The following GNAI1 variants were observed in gnomAD, a reference collection of about 807,000 sequenced individuals.
The protein encoded by GNAI1 is G protein subunit alpha i1.
In GNAI1, 11 loss-of-function variants were observed where a neutral mutation model predicts 38.9. The ratio of observed to expected loss-of-function variants is 0.28; its 90% confidence interval spans 0.18 to 0.47. GNAI1 has a LOEUF of 0.47. GNAI1 is among the 20% of genes least tolerant of loss of function. The pLI is 0.99. For synonymous variants in GNAI1, 166 were observed against 145.1 expected, an observed-to-expected ratio of 1.14 and a Z score of -1.04; for missense variants, 317 against 436.9, an observed-to-expected ratio of 0.73 and a Z score of 2.45.
At position 80,217,316 on chromosome 7, in the gene GNAI1, T is replaced by C. The variant is rs756926544; in HGVS notation, c.888T>C (p.Tyr296=). 3.8e-6 allele frequency: 6 copies of C among 1,579,360 alleles called. No homozygotes were observed. In the Admixed American group the frequency reaches 9.4e-5, roughly 25 times the overall value. ...CYPEYAGSNT[Y]EEAAAYIQCQ... is the part of the protein sequence containing the mutation. The stretch of plus-strand genomic sequence containing the variant: ...TTTCCATCTCAGGATCAAACACATA[T>C]GAAGAGGCAGCTGCATATATTCAAT... The change falls in exon 8 of 8, where the codon TAT becomes TAC. Residue 296 remains tyrosine (Y), a synonymous_variant. Transcript: ENST00000649796.
At chr7:80,156,628 CTTGCTCTG>C (rs1216583941) in intron 1 of GNAI1, among the ~76,000 whole-genome samples, 1 of 152,022 alleles carries the variant, frequency 6.6e-6, no homozygotes, top group African/African-American at 2.4e-5. Flanking sequence ...GAGGTGGTAT[CTTGCTCTG>C]TTTCCCAGGC....
intron 3 of GNAI1, among the ~76,000 whole-genome samples, chr7:80,194,436 T>C (rs1788533743): frequency 6.6e-6 from 1 of 152,158 alleles, no homozygotes. Context: ...ATTAATGTTA[T>C]GGTAATATTG....
rs893524232 is a variant in GNAI1 at position 80,220,936 on chromosome 7, T to C, written c.*3443T>C. 4.6e-5 allele frequency among the ~76,000 whole-genome samples: 7 copies of C among 152,306 alleles called. No homozygotes were observed. Among genetic ancestry groups the C allele is most frequent in the South Asian group, 2.1e-4 (1 of 4,826 alleles). ...TCAGATTTAAAAAAGGAGATACTTA[T>C]TAATGTCTTTCATCAGAGCTATTTT... On this transcript the variant is annotated 3_prime_UTR_variant, in exon 8 of 8. Coordinates refer to ENST00000649796, the MANE Select transcript of GNAI1 (RefSeq NM_002069.6).
chr7:80,150,969 A>G (rs147055886), intron 1 of GNAI1, among the ~76,000 whole-genome samples: 2 of 152,214 alleles, frequency 1.3e-5, no homozygotes, highest in East Asian at 3.9e-4. Context: ...GACAGCTTTG[A>G]TGGTATCAGT....
In GNAI1 at chr7:80,189,123, G is replaced by T. The variant is rs751050803; in HGVS notation, c.195G>T (p.Glu65Asp). Residue 65 changes from glutamate (E) to aspartate (D), a missense_variant, in exon 3 of 8, where the codon GAG (glutamate) becomes GAT (aspartate). Physicochemically the swap from Glu to Asp is conservative, Grantham distance 45. Around this residue, in one of 5 missense-constraint regions of GNAI1, gnomAD observed 40 missense variants for 78.0 expected, o/e 0.51. Transcript: ENST00000649796. Reference sequence around the variant, plus strand: ...ATGAAGCTGGTTATTCAGAAGAGGAGTGTAAACAATACAAAGCAGTGGTCT... The same window carrying T: ...ATGAAGCTGGTTATTCAGAAGAGGATTGTAAACAATACAAAGCAGTGGTCT... ...IIHEAGYSEE[E>D]CKQYKAVVYS... 1 of 1,607,188 alleles carries T rather than the reference G, an allele frequency of 6.2e-7. No homozygotes were observed. Among genetic ancestry groups the T allele is most frequent in the Non-Finnish European group, 8.5e-7 (1 of 1,176,960 alleles).
intron 1 of GNAI1, among the ~76,000 whole-genome samples, chr7:80,143,927 C>T (rs4728019): frequency 0.45 from 68,291 of 151,412 alleles, 16,261 homozygotes; most frequent in Middle Eastern, 0.52. Flanking sequence ...TGTGTGCGCG[C>T]GTGTGTGTAT....
intron 1 of GNAI1, among the ~76,000 whole-genome samples, chr7:80,150,822 C>G (rs1437850494): frequency 6.6e-6 from 1 of 152,102 alleles, no homozygotes; most frequent in Admixed American, 6.6e-5. Context: ...CTTATTTACT[C>G]CTTATTGCAT....
chr7:80,159,178 C>T (rs1031610549), intron 1 of GNAI1, among the ~76,000 whole-genome samples: 6 of 152,138 alleles, frequency 3.9e-5, no homozygotes, highest in Admixed American at 6.6e-5. Context: ...CTCTCACAGT[C>T]CCACAGAGAC....
intron 1 of GNAI1, among the ~76,000 whole-genome samples, chr7:80,181,047 A>G (rs1489140455): frequency 6.6e-6 from 1 of 152,040 alleles, no homozygotes; most frequent in East Asian, 1.9e-4. Context: ...AGACCAGCTC[A>G]TTCCTTTGTG....
rs73708334 is a variant in GNAI1 at position 80,184,935 on chromosome 7, C to T, written c.119-4016C>T. Among the ~76,000 whole-genome samples, 875 of 152,230 alleles carry T rather than the reference C, an allele frequency of 5.7e-3. 16 individuals are homozygous for T. The highest frequency in any genetic ancestry group is 0.021 in the African/African-American group (855 of 41,536). The stretch of plus-strand genomic sequence containing the variant: ...GATTAGTTGACTGATAGTTCCTGTG[C>T]CGGCCACTTAGTCACCTTGACCAGC... On this transcript the variant is annotated intron_variant, in intron 1 of 7. Transcript: ENST00000649796.
chr7:80,161,003 T>TTC (rs1269485334), intron 1 of GNAI1, among the ~76,000 whole-genome samples: 1 of 152,158 alleles, frequency 6.6e-6, no homozygotes, highest in African/African-American at 2.4e-5. Flanking sequence ...CAAATGGAAG[T>TTC]AAGTTAACAG....
At chr7:80,148,368 C>A (rs1253627829) in intron 1 of GNAI1, among the ~76,000 whole-genome samples, 1 of 151,998 alleles carries the variant, frequency 6.6e-6, no homozygotes, top group East Asian at 1.9e-4. Flanking sequence ...ATAGAAAGAG[C>A]AATTCTGAAA....
intron 1 of GNAI1, among the ~76,000 whole-genome samples, chr7:80,144,031 C>T (rs544822103): frequency 3.9e-5 from 6 of 152,028 alleles, no homozygotes; most frequent in East Asian, 1.9e-4. Flanking sequence ...CTAATCCCAC[C>T]GTAACTTCCT....
intron 1 of GNAI1, among the ~76,000 whole-genome samples, chr7:80,155,401 C>G (rs1371291726): frequency 6.6e-6 from 1 of 152,082 alleles, no homozygotes; most frequent in Non-Finnish European, 1.5e-5. Flanking sequence ...TAATGCCTAA[C>G]AGTGATTTCT....
chr7:80,209,531 T>A (rs1788837921), intron 5 of GNAI1, among the ~76,000 whole-genome samples: 1 of 152,188 alleles, frequency 6.6e-6, no homozygotes, highest in African/African-American at 2.4e-5. Flanking sequence ...AACATCTAAA[T>A]AAGTGTTTCA....
At position 80,218,351 on chromosome 7, in the gene GNAI1, A is replaced by G. The variant is rs1789009795; in HGVS notation, c.*858A>G. On this transcript the variant is annotated 3_prime_UTR_variant, in exon 8 of 8. Coordinates refer to ENST00000649796, the MANE Select transcript of GNAI1 (RefSeq NM_002069.6). ...GGCTGATATGAATGCATTGCCTCAA[A>G]GGTGATGTCATCTTAATTTTTATTC... 6.6e-6 allele frequency: 1 copy of G among 152,100 alleles called. No homozygotes were observed. Among genetic ancestry groups the G allele is most frequent in the African/African-American group, 2.4e-5 (1 of 41,434 alleles). The allele number at this position is 152,100 out of a possible 1,614,324, so 9.4% of individuals were successfully genotyped here. A position where few individuals can be genotyped will look rare whatever the true frequency, so the allele number is the denominator to read the frequency against.
At chr7:80,162,402 A>G (rs1215975405) in intron 1 of GNAI1, among the ~76,000 whole-genome samples, 4 of 152,150 alleles carry the variant, frequency 2.6e-5, no homozygotes, top group African/African-American at 9.7e-5. Context: ...AGAAGTTTGT[A>G]TTATTTTACT....
intron 4 of GNAI1, among the ~76,000 whole-genome samples, chr7:80,200,605 A>G (rs1220855794): frequency 6.6e-6 from 1 of 152,122 alleles, no homozygotes; most frequent in Admixed American, 6.6e-5. Context: ...CACAATGAAT[A>G]AATAAATGAG....
At chr7:80,209,441 G>A (rs1417644298) in intron 5 of GNAI1, among the ~76,000 whole-genome samples, 1 of 152,092 alleles carries the variant, frequency 6.6e-6, no homozygotes, top group African/African-American at 2.4e-5. Flanking sequence ...AGTGATTGAG[G>A]GCTGTTGTAT....
Sources: allele counts gnomAD v4.1 joint callset (sites outside exome capture counted in the v4.1 genomes callset), GRCh38; gene constraint gnomAD v4.1.1; regional missense constraint gnomAD v4.1.1; transcripts MANE v1.5; gene names NCBI Gene and HGNC (gene_info 2026-07-23, HGNC 2026-07-21).